RPS6KL1: variants seen among roughly 807,000 people sequenced by gnomAD.
The protein encoded by RPS6KL1 is ribosomal protein S6 kinase like 1, also known as ribosomal protein S6 kinase-like 1.
RPS6KL1 carries 41 observed loss-of-function variants against 57.0 expected under a neutral mutation model. The observed-to-expected ratio is 0.72, with a 90% confidence interval of 0.56 to 0.93. The LOEUF (loss-of-function observed/expected upper bound fraction) is 0.93. Among genes scored for constraint, RPS6KL1 ranks in the 40% least tolerant of loss-of-function variants. The pLI, the probability that RPS6KL1 is intolerant of heterozygous loss-of-function variation, is 0.00. For missense variants in RPS6KL1, 697 were observed against 727.7 expected (o/e 0.96, Z 0.49); for synonymous variants, 287 against 309.7 (o/e 0.93, Z 0.77).
At chr14:74,918,766 A>G (rs543488098) in intron 4 of RPS6KL1, among the ~76,000 whole-genome samples, 161 bp from the exon 5 acceptor site, 4 of 152,308 alleles carry the variant, frequency 2.6e-5, no homozygotes, top group Admixed American at 1.3e-4. Context: ...GGCTGGGTGG[A>G]AAAGCTGGCC....
intron 5 of RPS6KL1, among the ~76,000 whole-genome samples, chr14:74,914,794 T>C (rs1886576246): frequency 6.6e-6 from 1 of 152,160 alleles, no homozygotes; most frequent in African/African-American, 2.4e-5. Context: ...CTCACTGCAA[T>C]CTCTGCCTCC....
chr14:74,906,927 T>TA lies in RPS6KL1; in HGVS notation c.*86dup. On this transcript the variant is annotated 3_prime_UTR_variant, in exon 12 of 12. Transcript: ENST00000557413. ...CCATTCCTCGCCCAAAGCCCGCTGA[T>TA]AGAGGGCCAGCCCTGGGTTGGGTGT... 9.3e-7 allele frequency: 1 copy of TA among 1,074,768 alleles called. No homozygotes were observed. Among genetic ancestry groups the TA allele is most frequent in the East Asian group, 2.4e-5 (1 of 42,318 alleles). The allele number at this position is 1,074,768 out of a possible 1,614,324, so 66.6% of individuals were successfully genotyped here. A position where few individuals can be genotyped will look rare whatever the true frequency, so the allele number is the denominator to read the frequency against.
At chr14:74,912,410 A>G (rs923943938) in intron 5 of RPS6KL1, among the ~76,000 whole-genome samples, 3 of 151,998 alleles carry the variant, frequency 2.0e-5, no homozygotes, top group Non-Finnish European at 2.9e-5. Context: ...CCTGGACCCC[A>G]GAGATCAACT....
At chr14:74,914,197 C>G (rs1193084292) in intron 5 of RPS6KL1, among the ~76,000 whole-genome samples, 1 of 152,254 alleles carries the variant, frequency 6.6e-6, no homozygotes, top group Non-Finnish European at 1.5e-5. Flanking sequence ...CTCCAACAGC[C>G]AGAGACCGAG....
At chr14:74,909,481 C>G in intron 8 of RPS6KL1, 62 bp downstream of exon 8, 5 of 1,523,738 alleles carry the variant, frequency 3.3e-6, no homozygotes, top group Non-Finnish European at 4.4e-6. Context: ...CTTTGGGGAT[C>G]TCTCGTCCTC....
rs747758156 is a variant in RPS6KL1 at position 74,909,744 on chromosome 14, CT to C, written c.1068del (p.Gly358AlafsTer27). On this transcript the variant is annotated frameshift_variant, in exon 8 of 12. Coordinates refer to ENST00000557413, the MANE Select transcript of RPS6KL1 (RefSeq NM_031464.5). LOFTEE classifies it high-confidence loss of function. ...TGATCCATGCCTCGGCCACAGCCCC[CT>C]AGCACCGGGCCGGCCCCCTCAGGAA... The part of the protein sequence containing the change: ...TWVPEGAGPV[L>X]GGCGRGMDQS... 1.2e-6 allele frequency: 2 copies of C among 1,607,864 alleles called. No individual in the cohort carries two copies. Among genetic ancestry groups the C allele is most frequent in the South Asian group, 1.1e-5 (1 of 91,022 alleles).
rs1437153604 is a variant in RPS6KL1, at chr14:74,907,108, G to A, written c.1556C>T (p.Pro519Leu). ...TTCTCCCATGCCCAGGCGCCGGGTAGGCTCGAACTGCAGCAGCTGCAGAGA... is the reference window on the plus strand; with the variant it reads ...TTCTCCCATGCCCAGGCGCCGGGTAAGCTCGAACTGCAGCAGCTGCAGAGA... ...SLLTELLQFE[P>L]TRRLGMGEGG... The change falls in exon 12 of 12, where the codon CCT (proline) becomes CTT (leucine). Residue 519 changes from proline to leucine, a missense_variant. Transcript: ENST00000557413. The A allele has an allele frequency of 6.2e-7, 1 of 1,612,134 alleles. No individual in the cohort carries two copies. The highest frequency in any genetic ancestry group is 1.7e-5 in the Admixed American group (1 of 59,586).
chr14:74,921,243 A>AC (rs1594960134), intron 3 of RPS6KL1, 34 bp downstream of exon 3: 173 of 639,132 alleles, frequency 2.7e-4, no homozygotes, highest in Admixed American at 1.2e-3. Flanking sequence ...GCCCTTCCCC[A>AC]CCCACCCCAG....
At chr14:74,907,669 G>T in intron 10 of RPS6KL1, 139 bp from the exon 11 acceptor site, 1 of 770,232 alleles carries the variant, frequency 1.3e-6, no homozygotes, top group Non-Finnish European at 2.0e-6. Context: ...GCCAGACACA[G>T]TGCCTGATGG....
Position 74,909,794 on chromosome 14 carries a change from C to G in RPS6KL1, c.1019G>C (p.Gly340Ala). The change falls in exon 8 of 12, where the codon GGG becomes GCG. Residue 340 changes from glycine to alanine, a missense_variant. Physicochemically the swap from Gly to Ala is moderately conservative, Grantham distance 60. Coordinates refer to ENST00000557413, the MANE Select transcript of RPS6KL1 (RefSeq NM_031464.5). ...AACCCAAGTGAGCCCCCGAGGGGGCCCAGCGTCTGAGTTCTGGCCAGCCCT... is the reference window on the plus strand; with the variant it reads ...AACCCAAGTGAGCCCCCGAGGGGGCGCAGCGTCTGAGTTCTGGCCAGCCCT... Reference protein sequence around the residue: ...ARRAGQNSDAGPPRGLTWVPE... With the variant: ...ARRAGQNSDAAPPRGLTWVPE... 6.2e-7 allele frequency: 1 copy of G among 1,605,940 alleles called. No individual in the cohort carries two copies. Among genetic ancestry groups the G allele is most frequent in the Non-Finnish European group, 8.5e-7 (1 of 1,176,228 alleles).
rs1307415298 is a variant in RPS6KL1 at position 74,923,191 on chromosome 14, G to A, written c.-540C>T. On this transcript the variant is annotated 5_prime_UTR_variant, in exon 1 of 12. Coordinates refer to ENST00000557413, the MANE Select transcript of RPS6KL1 (RefSeq NM_031464.5). ...ACAAAACACCGTACCTGCCCGAGCT[G>A]GGAGCCGGGTCCGCGGGCCAGGCCT... 6.6e-6 allele frequency: 1 copy of A among 152,300 alleles called. No homozygotes were observed. The highest frequency in any genetic ancestry group is 1.5e-5 in the Non-Finnish European group (1 of 68,104). 9.4% of individuals were successfully genotyped at this position (152,300 alleles called of 1,614,324 possible).
chr14:74,913,066 A>C (rs1886288937), intron 5 of RPS6KL1, among the ~76,000 whole-genome samples: 1 of 152,238 alleles, frequency 6.6e-6, no homozygotes, highest in Non-Finnish European at 1.5e-5. Context: ...GGCTGTGGCC[A>C]GCCATGGTCG....
In RPS6KL1 at chr14:74,906,106, C is replaced by T. The variant is rs1291228266; in HGVS notation, c.*908G>A. Reference sequence around the variant, plus strand: ...TTCTTATCCCAAAAGGGCATGAAGTCACAGTAGGCAGTGACATGGTAAACA... The same window carrying T: ...TTCTTATCCCAAAAGGGCATGAAGTTACAGTAGGCAGTGACATGGTAAACA... On this transcript the variant is annotated 3_prime_UTR_variant, in exon 12 of 12. Transcript: ENST00000557413. 2 of 187,292 alleles carry T rather than the reference C, an allele frequency of 1.1e-5. No individual in the cohort carries two copies. Among genetic ancestry groups the T allele is most frequent in the Admixed American group, 1.1e-4 (2 of 18,786 alleles). The allele number at this position is 187,292 out of a possible 1,614,324, so 11.6% of individuals were successfully genotyped here. A position where few individuals can be genotyped will look rare whatever the true frequency, so the allele number is the denominator to read the frequency against.
At chr14:74,918,189 C>G (rs1887183468) in intron 5 of RPS6KL1, among the ~76,000 whole-genome samples, 1 of 152,056 alleles carries the variant, frequency 6.6e-6, no homozygotes. Context: ...TCAAGCAGTC[C>G]TCTTGCCTTG....
In RPS6KL1 at chr14:74,906,409, T is replaced by TG. The variant is rs537079155; in HGVS notation, c.*604dup. ...AGGGGGCATGGTCAGGAATCGGGGGTGGGGGGGTGGGGGTGGGGGTCATCC... is the reference window on the plus strand; with the variant it reads ...AGGGGGCATGGTCAGGAATCGGGGGTGGGGGGGGTGGGGGTGGGGGTCATCC... On this transcript the variant is annotated 3_prime_UTR_variant, in exon 12 of 12. Coordinates refer to ENST00000557413, the MANE Select transcript of RPS6KL1 (RefSeq NM_031464.5). 1.7e-4 allele frequency: 27 copies of TG among 161,664 alleles called. 1 individual carries two copies. The Middle Eastern group carries it at 9.3e-3, about 55-fold the overall frequency. 10.0% of individuals were successfully genotyped at this position (161,664 alleles called of 1,614,324 possible). A position where few individuals can be genotyped will look rare whatever the true frequency, so the allele number is the denominator to read the frequency against.
intron 7 of RPS6KL1, chr14:74,910,870 C>CTTTTTTT: frequency 6.4e-6 from 1 of 155,678 alleles, no homozygotes. Flanking sequence ...CAGGGCTCAG[C>CTTTTTTT]TTTTTTTTTT....
At chr14:74,911,136 T>G in intron 7 of RPS6KL1, 112 bp downstream of exon 7, 1 of 1,052,590 alleles carries the variant, frequency 9.5e-7, no homozygotes, top group Non-Finnish European at 1.5e-6. Context: ...CCTCCCAAAG[T>G]GCTGGGATTA....
chr14:74,908,933 C>T lies in RPS6KL1; in HGVS notation c.1361-1G>A, dbSNP rs753877082. On this transcript the variant is annotated splice_acceptor_variant, in intron 9 of 11. Transcript: ENST00000557413. LOFTEE classifies it high-confidence loss of function. ...GTCAGCTCGGAAATCCCACCCACCT[C>T]TGTGGGAACAAGAACACAGGTGTCC... 2 of 1,612,542 alleles carry T rather than the reference C, an allele frequency of 1.2e-6. No individual in the cohort carries two copies. Among genetic ancestry groups the T allele is most frequent in the Non-Finnish European group, 1.7e-6 (2 of 1,178,890 alleles).
chr14:74,915,697 G>T (rs1886723003), intron 5 of RPS6KL1, among the ~76,000 whole-genome samples: 1 of 152,164 alleles, frequency 6.6e-6, no homozygotes, highest in Non-Finnish European at 1.5e-5. Flanking sequence ...CTGCCACAGG[G>T]GAATGGGAGG....
Sources: gnomAD v4.1 joint callset for allele counts (sites outside exome capture counted in the v4.1 genomes callset) on GRCh38, gnomAD v4.1.1 for gene constraint, MANE v1.5 for transcripts, NCBI Gene and HGNC (gene_info 2026-07-23, HGNC 2026-07-21) for gene names.